The following GPC6 variants were observed in gnomAD, a reference collection of about 807,000 sequenced individuals.
GPC6 encodes glypican-6.
In GPC6, 14 loss-of-function variants were observed where a neutral mutation model predicts 55.2. That is an observed-to-expected ratio of 0.25 (90% CI 0.17 to 0.40). The LOEUF (loss-of-function observed/expected upper bound fraction) is 0.40, where lower values mean the gene tolerates loss of function less well. Among genes scored for constraint, GPC6 ranks in the 10% least tolerant of loss-of-function variants. The probability of loss-of-function intolerance (pLI) is 1.00; values close to 1 mark genes in which losing one functional copy is unlikely to be tolerated. For missense variants in GPC6, 641 were observed against 708.5 expected (o/e 0.90, Z 1.08); for synonymous variants, 278 against 259.6 (o/e 1.07, Z -0.68).
At chr13:93,258,912 T>C (rs1369646408) in intron 1 of GPC6, among the ~76,000 whole-genome samples, 1 of 152,134 alleles carries the variant, frequency 6.6e-6, no homozygotes, top group Non-Finnish European at 1.5e-5. Context: ...ATTGTACCAG[T>C]GCACTCCAGC....
chr13:93,289,037 T>A (rs1022798009), intron 1 of GPC6, among the ~76,000 whole-genome samples: 19 of 152,182 alleles, frequency 1.2e-4, no homozygotes, highest in Non-Finnish European at 4.4e-5. Context: ...AGTCCTCATT[T>A]TGGTCTAAGA....
chr13:93,256,320 G>T (rs985243657), intron 1 of GPC6, among the ~76,000 whole-genome samples: 1 of 151,814 alleles, frequency 6.6e-6, no homozygotes. Context: ...GCTTTCCTAT[G>T]GACAAGAGAG....
At chr13:93,788,035 A>C (rs1278416668) in intron 2 of GPC6, among the ~76,000 whole-genome samples, 1 of 152,358 alleles carries the variant, frequency 6.6e-6, no homozygotes, top group South Asian at 2.1e-4. Context: ...CATTCTAGTA[A>C]GTAACAATGG....
chr13:93,280,778 C>T (rs887604541), intron 1 of GPC6, among the ~76,000 whole-genome samples: 16 of 152,192 alleles, frequency 1.1e-4, no homozygotes, highest in African/African-American at 2.7e-4. Context: ...TGGACAGGGC[C>T]GGGGATGCGG....
chr13:94,234,413 T>C (rs1325227203), intron 4 of GPC6, among the ~76,000 whole-genome samples: 1 of 152,056 alleles, frequency 6.6e-6, no homozygotes, highest in African/African-American at 2.4e-5. Flanking sequence ...CACTGGAAGA[T>C]GTTTCTTTTC....
At chr13:93,424,379 G>A (rs1211329787) in intron 1 of GPC6, among the ~76,000 whole-genome samples, 1 of 152,112 alleles carries the variant, frequency 6.6e-6, no homozygotes, top group Non-Finnish European at 1.5e-5. Flanking sequence ...TTCAGCTAAG[G>A]TTGGATCCCG....
chr13:93,968,546 G>T (rs1049568553), intron 3 of GPC6, among the ~76,000 whole-genome samples: 2 of 152,054 alleles, frequency 1.3e-5, no homozygotes, highest in African/African-American at 4.8e-5. Context: ...GCAAAATCCT[G>T]TTCTGAAGAA....
At chr13:94,031,555 A>G (rs1171764234) in intron 4 of GPC6, among the ~76,000 whole-genome samples, 1 of 151,216 alleles carries the variant, frequency 6.6e-6, no homozygotes, top group Non-Finnish European at 1.5e-5. Flanking sequence ...GTGCGGTAGG[A>G]GAAAACCCTG....
intron 3 of GPC6, 50 bp from the exon 4 acceptor site, chr13:94,027,679 C>T (rs1882953456): frequency 1.3e-6 from 2 of 1,562,416 alleles, no homozygotes; most frequent in East Asian, 4.5e-5. Flanking sequence ...TTTTCCTCCT[C>T]TTTATCCTTC....
chr13:94,382,378 A>G, intron 6 of GPC6, 36 bp from the exon 7 acceptor site: 2 of 1,612,556 alleles, frequency 1.2e-6, no homozygotes, highest in East Asian at 4.5e-5. Flanking sequence ...AAGCCTGAGC[A>G]GAATACTCAC....
At chr13:94,229,228 C>A (rs1203010181) in intron 4 of GPC6, among the ~76,000 whole-genome samples, 1 of 152,086 alleles carries the variant, frequency 6.6e-6, no homozygotes, top group Non-Finnish European at 1.5e-5. Context: ...CTAATTGTTT[C>A]TAATATTATT....
At chr13:93,594,899 A>C (rs973516063) in intron 2 of GPC6, among the ~76,000 whole-genome samples, 1 of 151,652 alleles carries the variant, frequency 6.6e-6, no homozygotes, top group African/African-American at 2.4e-5. Context: ...CTCATGGCCT[A>C]ATCATCTTCC....
chr13:93,880,885 TA>T (rs35157318), intron 3 of GPC6, among the ~76,000 whole-genome samples: 53 of 147,076 alleles, frequency 3.6e-4, no homozygotes, highest in African/African-American at 6.2e-4. Flanking sequence ...CCTTTGCAAC[TA>T]AAAAAAAAAG....
intron 3 of GPC6, among the ~76,000 whole-genome samples, chr13:93,890,396 C>T (rs976718768): frequency 1.3e-5 from 2 of 152,008 alleles, no homozygotes; most frequent in Non-Finnish European, 2.9e-5. Context: ...CCTTTATATA[C>T]CTTCAATTAC....
At chr13:93,678,939 G>C (rs902245908) in intron 2 of GPC6, among the ~76,000 whole-genome samples, 9 of 152,112 alleles carry the variant, frequency 5.9e-5, no homozygotes, top group African/African-American at 2.2e-4. Flanking sequence ...TCTCTACACT[G>C]TCTTTAACTC....
chr13:93,472,435 T>G (rs1879153310), intron 1 of GPC6, among the ~76,000 whole-genome samples: 1 of 152,176 alleles, frequency 6.6e-6, no homozygotes, highest in Admixed American at 6.5e-5. Context: ...GCCACTGTGC[T>G]GTAGACACGC....
intron 1 of GPC6, among the ~76,000 whole-genome samples, chr13:93,276,104 G>T (rs1241523197): frequency 6.6e-6 from 1 of 152,090 alleles, no homozygotes; most frequent in East Asian, 1.9e-4. Context: ...TCGATCTCCT[G>T]ACCTCGTGAT....
At chr13:93,354,349 ATTT>A (rs11454186) in intron 1 of GPC6, among the ~76,000 whole-genome samples, 2 of 115,818 alleles carry the variant, frequency 1.7e-5, no homozygotes, top group Non-Finnish European at 1.6e-5. Context: ...CCGTTGGTAG[ATTT>A]TTTTTTTTTT....
intron 4 of GPC6, among the ~76,000 whole-genome samples, chr13:94,107,178 A>C (rs1015066312): frequency 4.6e-5 from 7 of 152,138 alleles, no homozygotes; most frequent in Non-Finnish European, 4.4e-5. Context: ...GGGACTGAAG[A>C]AGTGAAAATA....
Sources: gnomAD v4.1 joint callset for allele counts (sites outside exome capture counted in the v4.1 genomes callset) on GRCh38, gnomAD v4.1.1 for gene constraint, MANE v1.5 for transcripts, NCBI Gene and HGNC (gene_info 2026-07-23, HGNC 2026-07-21) for gene names.